Variants in MAN1A2 observed in about 807,000 individuals in gnomAD.
MAN1A2 encodes the protein mannosyl-oligosaccharide 1,2-alpha-mannosidase IB.
Under a neutral mutation model 75.7 loss-of-function variants are expected in MAN1A2, and 26 were observed. The ratio of observed to expected loss-of-function variants is 0.34; its 90% confidence interval spans 0.25 to 0.48. The LOEUF (loss-of-function observed/expected upper bound fraction) is 0.48. Among genes scored for constraint, MAN1A2 ranks in the 20% least tolerant of loss-of-function variants. MAN1A2 has a pLI of 0.99. For synonymous variants in MAN1A2, 247 were observed against 264.6 expected, an observed-to-expected ratio of 0.93 and a Z score of 0.65; for missense variants, 562 against 775.5, an observed-to-expected ratio of 0.72 and a Z score of 3.27.
At chr1:117,455,478 G>A (rs1438555882) in intron 6 of MAN1A2, among the ~76,000 whole-genome samples, 2 of 151,996 alleles carry the variant, frequency 1.3e-5, no homozygotes, top group Non-Finnish European at 2.9e-5. Context: ...ATGCATTTTT[G>A]TATGTAAATT....
At chr1:117,384,971 G>A (rs528227971) in intron 1 of MAN1A2, among the ~76,000 whole-genome samples, 1 of 152,280 alleles carries the variant, frequency 6.6e-6, no homozygotes, top group African/African-American at 2.4e-5. Context: ...GAATTATATA[G>A]AAGAGTGGAT....
At chr1:117,404,437 G>T (rs1268158005) in intron 2 of MAN1A2, among the ~76,000 whole-genome samples, 1 of 152,086 alleles carries the variant, frequency 6.6e-6, no homozygotes, top group Non-Finnish European at 1.5e-5. Flanking sequence ...GTATTTATTG[G>T]TTTAATGGCT....
intron 1 of MAN1A2, among the ~76,000 whole-genome samples, chr1:117,386,723 C>T (rs910518030): frequency 1.5e-4 from 7 of 45,668 alleles, no homozygotes; most frequent in Admixed American, 6.4e-4. Context: ...CTCAGTGGCT[C>T]ATCCCTGTCT....
intron 5 of MAN1A2, among the ~76,000 whole-genome samples, chr1:117,430,056 ACGGGGCGGC>A (rs1648562483): frequency 6.4e-5 from 2 of 31,470 alleles, no homozygotes; most frequent in Non-Finnish European, 1.2e-4. Flanking sequence ...TCCCTCCCGG[ACGGGGCGGC>A]TGGCTGGGTG....
chr1:117,467,279 A>C (rs2101843360), intron 8 of MAN1A2, among the ~76,000 whole-genome samples: 1 of 152,276 alleles, frequency 6.6e-6, no homozygotes, highest in East Asian at 1.9e-4. Flanking sequence ...GAGACTAATG[A>C]AATCTTAAGT....
chr1:117,413,329 A>G (rs1647883630), intron 3 of MAN1A2, among the ~76,000 whole-genome samples: 1 of 151,938 alleles, frequency 6.6e-6, no homozygotes, highest in African/African-American at 2.4e-5. Context: ...GTAAATTAAG[A>G]ACAACCATCA....
chr1:117,494,104 T>C (rs1323857939), intron 9 of MAN1A2: 1 of 152,102 alleles, frequency 6.6e-6, no homozygotes, highest in Non-Finnish European at 1.5e-5. Flanking sequence ...AGTAACTTGC[T>C]GAAGGTTGCA....
At chr1:117,435,537 G>A (rs543936138) in intron 5 of MAN1A2, among the ~76,000 whole-genome samples, 1 of 152,200 alleles carries the variant, frequency 6.6e-6, no homozygotes, top group South Asian at 2.1e-4. Flanking sequence ...TAGTAAATTA[G>A]ACAATTTTGT....
intron 1 of MAN1A2, among the ~76,000 whole-genome samples, chr1:117,370,982 A>G (rs899400240): frequency 5.3e-5 from 8 of 152,154 alleles, no homozygotes; most frequent in Non-Finnish European, 1.5e-5. Context: ...GATTTATGAT[A>G]CTGAGAAATT....
chr1:117,439,156 T>C (rs868030681), intron 5 of MAN1A2, among the ~76,000 whole-genome samples: 3 of 152,080 alleles, frequency 2.0e-5, no homozygotes, highest in Non-Finnish European at 2.9e-5. Flanking sequence ...GTGGAGCTAA[T>C]GTAGAGTGAC....
Position 117,523,149 on chromosome 1 carries a change from A to T in MAN1A2, c.*192A>T. The T allele has an allele frequency of 1.4e-6, 1 of 691,530 alleles. No individual in the cohort carries two copies. Among genetic ancestry groups the T allele is most frequent in the Admixed American group, 2.2e-5 (1 of 45,760 alleles). 42.8% of individuals were successfully genotyped at this position (691,530 alleles called of 1,614,324 possible). On this transcript the variant is annotated 3_prime_UTR_variant, in exon 13 of 13. Transcript: ENST00000356554. ...TTATTCCATTTTATACCTGACCAAA[A>T]CATGTTCTGATATGTGTAGGACAGA...
Position 117,526,518 on chromosome 1 carries a change from C to A in MAN1A2, c.*3561C>A, listed in dbSNP as rs1652024033. The A allele has an allele frequency of 6.6e-6, 1 of 151,606 alleles. No homozygotes were observed. Among genetic ancestry groups the A allele is most frequent in the Non-Finnish European group, 1.5e-5 (1 of 67,734 alleles). The allele number at this position is 151,606 out of a possible 1,614,324, so 9.4% of individuals were successfully genotyped here. On this transcript the variant is annotated 3_prime_UTR_variant, in exon 13 of 13. Transcript: ENST00000356554. The stretch of plus-strand genomic sequence containing the variant: ...AAGAAATACTTGATTTCTGATGCAA[C>A]TTTGACTAAAATATTTACTTTAGAA...
intron 5 of MAN1A2, among the ~76,000 whole-genome samples, chr1:117,437,972 A>C (rs900562673): frequency 6.6e-6 from 1 of 152,234 alleles, no homozygotes; most frequent in Admixed American, 6.5e-5. Context: ...CTAAGCATTG[A>C]AAACAAATTT....
chr1:117,469,540 GAA>G (rs34597741), intron 8 of MAN1A2, among the ~76,000 whole-genome samples: 9,429 of 152,092 alleles, frequency 0.062, 406 homozygotes, highest in Middle Eastern at 0.12. Flanking sequence ...CAGAATGAGA[GAA>G]AATATTTGCA....
chr1:117,386,658 C>G (rs990006655), intron 1 of MAN1A2, among the ~76,000 whole-genome samples: 15 of 137,748 alleles, frequency 1.1e-4, no homozygotes, highest in African/African-American at 4.3e-4. Context: ...GTTCAAGGGA[C>G]TTGATTCCTT....
At chr1:117,469,552 A>G (rs1650083704) in intron 8 of MAN1A2, among the ~76,000 whole-genome samples, 1 of 152,150 alleles carries the variant, frequency 6.6e-6, no homozygotes. Flanking sequence ...AAATATTTGC[A>G]AATCACATGT....
chr1:117,464,460 G>T (rs991118802), intron 7 of MAN1A2, among the ~76,000 whole-genome samples: 1 of 152,026 alleles, frequency 6.6e-6, no homozygotes, highest in African/African-American at 2.4e-5. Context: ...CATATAAGCA[G>T]TAAAGATCAG....
chr1:117,518,478 T>C (rs1359220242), intron 12 of MAN1A2, among the ~76,000 whole-genome samples: 2 of 151,852 alleles, frequency 1.3e-5, no homozygotes, highest in African/African-American at 2.4e-5. Context: ...TTTGTAAAAA[T>C]ATTAGCGAAA....
At chr1:117,465,030 A>G (rs983138066) in intron 7 of MAN1A2, among the ~76,000 whole-genome samples, 3 of 152,194 alleles carry the variant, frequency 2.0e-5, no homozygotes, top group African/African-American at 7.2e-5. Flanking sequence ...AACATAGTAA[A>G]GCCTTCATCT....
Sources: allele counts gnomAD v4.1 joint callset (sites outside exome capture counted in the v4.1 genomes callset), GRCh38; gene constraint gnomAD v4.1.1; transcripts MANE v1.5; gene names NCBI Gene and HGNC (gene_info 2026-07-23, HGNC 2026-07-21).